Variants in SLC1A1 observed in about 807,000 individuals in gnomAD.
SLC1A1 encodes excitatory amino acid transporter 3.
SLC1A1 carries 43 observed loss-of-function variants against 53.3 expected under a neutral mutation model. The ratio of observed to expected loss-of-function variants is 0.81; its 90% CI spans 0.63 to 1.04. SLC1A1 has a LOEUF of 1.04. Among genes scored for constraint, SLC1A1 ranks in the 50% least tolerant of loss-of-function variants. The pLI, the probability that SLC1A1 is intolerant of heterozygous loss-of-function variation, is 0.00. For synonymous variants in SLC1A1, 307 were observed against 243.2 expected (o/e 1.26, Z -2.44); for missense variants, 748 against 664.9 (o/e 1.12, Z -1.37).
At position 4,583,714 on chromosome 9, in the gene SLC1A1, GTTGTT is replaced by G. The variant is rs2129881197; in HGVS notation, c.1328+545_1328+549del. 6.6e-6 allele frequency among the ~76,000 whole-genome samples: 1 copy of G among 152,288 alleles called. No homozygotes were observed. The highest frequency in any genetic ancestry group is 2.4e-5 in the African/African-American group (1 of 41,544). On this transcript the variant is annotated intron_variant, in intron 11 of 11. Coordinates refer to ENST00000262352, the MANE Select transcript of SLC1A1 (RefSeq NM_004170.6). This position sits in a 1 kb window ranked among gnomAD's most constrained non-coding sequence, Gnocchi z 4.6. ...GGAAAAAATCTGCCTATGTCATTGG[GTTGTT>G]TTAAGGACTGAGTGAGCTCATGTGA...
intron 1 of SLC1A1, among the ~76,000 whole-genome samples, chr9:4,514,582 G>C (rs921382422): frequency 1.3e-5 from 2 of 152,008 alleles, no homozygotes; most frequent in African/African-American, 4.8e-5. Flanking sequence ...AGAGCAGAGG[G>C]AGCAATAAAT....
intron 2 of SLC1A1, among the ~76,000 whole-genome samples, chr9:4,546,117 G>A (rs1817472244): frequency 6.6e-6 from 1 of 152,170 alleles, no homozygotes; most frequent in Non-Finnish European, 1.5e-5. Flanking sequence ...TGCTTGAAGA[G>A]CTGTCACATT....
intron 3 of SLC1A1, among the ~76,000 whole-genome samples, chr9:4,562,065 C>CTT (rs745615028): frequency 5.3e-5 from 5 of 94,282 alleles, no homozygotes; most frequent in Admixed American, 1.4e-4. Context: ...GCCCTAACTA[C>CTT]TTTTTTTTTT....
intron 1 of SLC1A1, among the ~76,000 whole-genome samples, chr9:4,534,411 C>T (rs1816596059): frequency 6.6e-6 from 1 of 152,120 alleles, no homozygotes; most frequent in Non-Finnish European, 1.5e-5. Context: ...ATACAGACTA[C>T]CATCAGAGAA....
intron 3 of SLC1A1, among the ~76,000 whole-genome samples, chr9:4,561,944 G>A (rs966483360): frequency 3.3e-5 from 5 of 152,144 alleles, no homozygotes; most frequent in African/African-American, 7.2e-5. Flanking sequence ...AAAAAGAGAC[G>A]TGGGGAGTCT....
At chr9:4,576,509 A>C (rs968820336) in intron 9 of SLC1A1, 60 bp from the exon 10 acceptor site, 1 of 1,394,952 alleles carries the variant, frequency 7.2e-7, no homozygotes, top group African/African-American at 1.4e-5. Flanking sequence ...GCATGTCTTC[A>C]GGCAGGGACT....
chr9:4,531,891 T>C (rs1324074059), intron 1 of SLC1A1, among the ~76,000 whole-genome samples: 3 of 152,168 alleles, frequency 2.0e-5, no homozygotes, highest in Admixed American at 6.5e-5. Flanking sequence ...CAACATCTGC[T>C]GTTCACCAAT....
At chr9:4,558,038 T>G (rs1818585937) in intron 2 of SLC1A1, among the ~76,000 whole-genome samples, 1 of 152,038 alleles carries the variant, frequency 6.6e-6, no homozygotes, top group Non-Finnish European at 1.5e-5. Flanking sequence ...ATAGTGTTTA[T>G]TGTCATCATT....
intron 1 of SLC1A1, among the ~76,000 whole-genome samples, chr9:4,539,836 C>T (rs1586729776): frequency 6.6e-6 from 1 of 152,164 alleles, no homozygotes; most frequent in South Asian, 2.1e-4. Flanking sequence ...TCCCAAAGTG[C>T]TGGGATTACA....
At chr9:4,576,178 T>G in intron 9 of SLC1A1, 55 bp downstream of exon 9, 2 of 1,563,112 alleles carry the variant, frequency 1.3e-6, no homozygotes, top group Non-Finnish European at 1.8e-6. Context: ...TTATCAACTC[T>G]CACCTCACTT....
At chr9:4,574,488 C>T (rs1820361896) in intron 8 of SLC1A1, among the ~76,000 whole-genome samples, 1 of 152,132 alleles carries the variant, frequency 6.6e-6, no homozygotes, top group Admixed American at 6.5e-5. Flanking sequence ...GGCTGTTAAC[C>T]ACCACCATGT....
chr9:4,564,102 C>T (rs1001449807), intron 3 of SLC1A1, among the ~76,000 whole-genome samples: 1 of 152,152 alleles, frequency 6.6e-6, no homozygotes, highest in African/African-American at 2.4e-5. Flanking sequence ...CATACACACA[C>T]ACACAGACGC....
Position 4,585,558 on chromosome 9 carries a change from G to A in SLC1A1, c.1575G>A (p.Ter525=), listed in dbSNP as rs540156048. Residue 525 remains the stop codon, a stop_retained_variant, in exon 12 of 12, where the codon TAG becomes TAA. Transcript: ENST00000262352. ...TISFTQTSQF[*] Reference sequence around the variant, plus strand: ...CATTCACCCAGACCTCACAGTTCTAGGGCCCCTGGCTGCAGATGACTGGAA... The same window carrying A: ...CATTCACCCAGACCTCACAGTTCTAAGGCCCCTGGCTGCAGATGACTGGAA... 54 of 1,614,190 alleles carry A rather than the reference G, an allele frequency of 3.3e-5. 1 individual carries two copies. The South Asian group carries it at 5.8e-4, about 17-fold the overall frequency.
chr9:4,541,075 G>A (rs1436289073), intron 1 of SLC1A1, among the ~76,000 whole-genome samples: 1 of 152,196 alleles, frequency 6.6e-6, no homozygotes, highest in African/African-American at 2.4e-5. Context: ...GGTGTCCTGT[G>A]TCCATTGCTG....
chr9:4,516,727 C>G (rs1286048221), intron 1 of SLC1A1, among the ~76,000 whole-genome samples: 5 of 152,172 alleles, frequency 3.3e-5, no homozygotes, highest in African/African-American at 1.2e-4. Context: ...TATTCATTAT[C>G]CTTAAAAACT....
chr9:4,555,809 A>T (rs77571473), intron 2 of SLC1A1, among the ~76,000 whole-genome samples: 1,979 of 152,314 alleles, frequency 0.013, 40 homozygotes, highest in East Asian at 0.1. Context: ...CTCCTCTGAA[A>T]GCCCACAGTA....
intron 8 of SLC1A1, 118 bp from the exon 9 acceptor site, chr9:4,575,883 T>G (rs963274783): frequency 3.4e-5 from 40 of 1,177,122 alleles, no homozygotes; most frequent in Non-Finnish European, 4.2e-5. Context: ...TCCCATTTCT[T>G]ATTGGGCCAT....
intron 4 of SLC1A1, 48 bp downstream of exon 4, chr9:4,564,506 A>C (rs1209091745): frequency 2.5e-5 from 26 of 1,059,774 alleles, no homozygotes; most frequent in African/African-American, 4.6e-5. Context: ...GGATAGCAGC[A>C]CAAGGCCTTG....
rs1817742973 is a variant in SLC1A1 at position 4,549,367 on chromosome 9, A to G, written c.232+4660A>G. Among the ~76,000 whole-genome samples, 1 of 152,148 alleles carries G rather than the reference A, an allele frequency of 6.6e-6. No individual in the cohort carries two copies. The highest frequency in any genetic ancestry group is 1.5e-5 in the Non-Finnish European group (1 of 68,022). Reference sequence around the variant, plus strand: ...TCCTCCATCCTAAGACAGGAGCAGAAGCTTAATTCTCCAAAGTGCAGCTGA... The same window carrying G: ...TCCTCCATCCTAAGACAGGAGCAGAGGCTTAATTCTCCAAAGTGCAGCTGA... On this transcript the variant is annotated intron_variant, in intron 2 of 11. Coordinates refer to ENST00000262352, the MANE Select transcript of SLC1A1 (RefSeq NM_004170.6). This position sits in a 1 kb window ranked among gnomAD's most constrained non-coding sequence, Gnocchi z 4.1.
Sources: allele counts gnomAD v4.1 joint callset (sites outside exome capture counted in the v4.1 genomes callset), GRCh38; gene constraint gnomAD v4.1.1; non-coding constraint Gnocchi (gnomAD v3.1); transcripts MANE v1.5; gene names NCBI Gene and HGNC (gene_info 2026-07-23, HGNC 2026-07-21).